Variants in ARHGAP10 observed in about 807,000 individuals in gnomAD.
The protein encoded by ARHGAP10 is Rho GTPase activating protein 10.
Under a neutral mutation model 108.6 loss-of-function variants are expected in ARHGAP10, and 87 were observed. That is an observed-to-expected ratio of 0.80 (90% CI 0.67 to 0.96). The LOEUF is 0.96. ARHGAP10 is among the 40% of genes least tolerant of loss of function. The pLI is 0.00. For missense variants in ARHGAP10, 939 were observed against 954.5 expected (o/e 0.98, Z 0.21); for synonymous variants, 347 against 341.1 (o/e 1.02, Z -0.19).
intron 1 of ARHGAP10, among the ~76,000 whole-genome samples, chr4:147,750,778 T>G (rs1295707889): frequency 2.0e-5 from 3 of 151,720 alleles, no homozygotes; most frequent in African/African-American, 7.3e-5. Flanking sequence ...ATTTTTGTAT[T>G]TTTTAGTAGA....
chr4:147,811,798 G>A (rs2126773161), intron 1 of ARHGAP10, among the ~76,000 whole-genome samples: 1 of 152,290 alleles, frequency 6.6e-6, no homozygotes, highest in South Asian at 2.1e-4. Flanking sequence ...AGTGAGCTCC[G>A]ATATAAAGAT....
intron 20 of ARHGAP10, among the ~76,000 whole-genome samples, chr4:148,059,973 TGAGAGAGA>T (rs145893430): frequency 1.4e-5 from 2 of 146,074 alleles, no homozygotes; most frequent in African/African-American, 5.1e-5. Context: ...GCCCACTCTT[TGAGAGAGA>T]GAGAGAGAGA....
At chr4:147,955,432 G>A (rs907873460) in intron 16 of ARHGAP10, 58 bp downstream of exon 16, 5 of 1,444,464 alleles carry the variant, frequency 3.5e-6, no homozygotes, top group East Asian at 2.3e-5. Context: ...GAGCATAAAC[G>A]AAAAATTTCC....
chr4:148,048,890 A>T (rs1729003734), intron 20 of ARHGAP10, among the ~76,000 whole-genome samples: 1 of 152,086 alleles, frequency 6.6e-6, no homozygotes, highest in African/African-American at 2.4e-5. Flanking sequence ...ATGTCATGAA[A>T]AGCACTCCAA....
chr4:147,767,928 T>C (rs994747609), intron 1 of ARHGAP10, among the ~76,000 whole-genome samples: 3 of 152,180 alleles, frequency 2.0e-5, no homozygotes, highest in African/African-American at 7.2e-5. Flanking sequence ...AGCAAAGATA[T>C]GAGATTATCA....
chr4:147,798,796 TATATATATATATATATATATAG>T, intron 1 of ARHGAP10, among the ~76,000 whole-genome samples: 1 of 52,164 alleles, frequency 1.9e-5, no homozygotes. Context: ...TATATATATA[TATATATATATATATATATATAG>T]ACTTTTTACC....
chr4:147,909,251 T>A (rs1736633256), intron 11 of ARHGAP10, among the ~76,000 whole-genome samples: 1 of 152,190 alleles, frequency 6.6e-6, no homozygotes, highest in African/African-American at 2.4e-5. Context: ...GAGGTTGAGG[T>A]GGGTGCACGG....
At chr4:147,768,047 C>T (rs991121581) in intron 1 of ARHGAP10, among the ~76,000 whole-genome samples, 26 of 152,140 alleles carry the variant, frequency 1.7e-4, no homozygotes, top group Admixed American at 7.2e-4. Context: ...TGGACTATTC[C>T]GGGATGACTT....
intron 19 of ARHGAP10, among the ~76,000 whole-genome samples, chr4:148,033,005 C>A (rs987885568): frequency 6.6e-6 from 1 of 152,172 alleles, no homozygotes; most frequent in Non-Finnish European, 1.5e-5. Flanking sequence ...CACCCAGGAA[C>A]AATACTTTGC....
At chr4:147,810,576 G>T (rs1198787479) in intron 1 of ARHGAP10, among the ~76,000 whole-genome samples, 1 of 152,202 alleles carries the variant, frequency 6.6e-6, no homozygotes. Context: ...GTGCAGAGTT[G>T]CCAGTCTGAG....
intron 1 of ARHGAP10, among the ~76,000 whole-genome samples, chr4:147,749,387 A>G (rs941882335): frequency 6.6e-6 from 1 of 152,242 alleles, no homozygotes; most frequent in African/African-American, 2.4e-5. Flanking sequence ...GCTTAATTTA[A>G]ATTTCTGACA....
chr4:147,861,387 G>A (rs1234213123), intron 5 of ARHGAP10: 1 of 152,542 alleles, frequency 6.6e-6, no homozygotes, highest in Non-Finnish European at 1.5e-5. Context: ...GGCTTAGGGA[G>A]CCCCTAGGTC....
At chr4:148,068,383 C>T (rs7694414) in intron 22 of ARHGAP10, among the ~76,000 whole-genome samples, 2,616 of 152,254 alleles carry the variant, frequency 0.017, 62 homozygotes, top group African/African-American at 0.059. Flanking sequence ...CAGATAGACA[C>T]AGAATAATCC....
At chr4:147,879,131 G>A in intron 8 of ARHGAP10, 101 bp from the exon 9 acceptor site, 2 of 864,432 alleles carry the variant, frequency 2.3e-6, no homozygotes, top group South Asian at 1.9e-5. Context: ...AGCTGTATTC[G>A]TTGCTGCGTT....
rs1728247513 is a variant in ARHGAP10, at chr4:147,732,340, CGACA to C, written c.41_44del (p.Asp14AlafsTer62). 1.9e-6 allele frequency: 3 copies of C among 1,613,106 alleles called. No homozygotes were observed. Among genetic ancestry groups the C allele is most frequent in the Non-Finnish European group, 1.7e-6 (2 of 1,179,592 alleles). Reference sequence around the variant, plus strand: ...CCCTGGAGTTCAGCGACTGCTACCTCGACAGCCCGTGGTTCCGGGAGAGGATCCG... The same window carrying C: ...CCCTGGAGTTCAGCGACTGCTACCTCGCCCGTGGTTCCGGGAGAGGATCCG... On this transcript the variant is annotated frameshift_variant, in exon 1 of 23. Transcript: ENST00000336498. LOFTEE classifies it high-confidence loss of function.
intron 10 of ARHGAP10, among the ~76,000 whole-genome samples, chr4:147,885,918 A>G (rs2126878349): frequency 6.6e-6 from 1 of 152,376 alleles, no homozygotes; most frequent in Admixed American, 6.5e-5. Flanking sequence ...TCCGAGATCT[A>G]TAATGCTTCC....
At chr4:147,957,120 A>G (rs187091654) in intron 16 of ARHGAP10, among the ~76,000 whole-genome samples, 1 of 152,270 alleles carries the variant, frequency 6.6e-6, no homozygotes, top group East Asian at 1.9e-4. Context: ...TAGTCTTCAC[A>G]GTGATTTGGA....
At position 148,038,684 on chromosome 4, in the gene ARHGAP10, C is replaced by T. The variant is rs558616952; in HGVS notation, c.1868-8208C>T. Reference sequence around the variant, plus strand: ...GAGATTATTGGTTTTGATTGGGTGGCCCTATTTAAAAGATAGAAAATGCAG... The same window carrying T: ...GAGATTATTGGTTTTGATTGGGTGGTCCTATTTAAAAGATAGAAAATGCAG... On this transcript the variant is annotated intron_variant, in intron 19 of 22. Coordinates refer to ENST00000336498, the MANE Select transcript of ARHGAP10 (RefSeq NM_024605.4). Among the ~76,000 whole-genome samples, 6 of 152,202 alleles carry T rather than the reference C, an allele frequency of 3.9e-5. No individual in the cohort carries two copies. The South Asian group carries it at 1.2e-3, about 32-fold the overall frequency.
At chr4:147,865,046 TAG>T in intron 6 of ARHGAP10, 90 bp downstream of exon 6, 1 of 1,105,966 alleles carries the variant, frequency 9.0e-7, no homozygotes, top group Non-Finnish European at 1.3e-6. Flanking sequence ...TTATAGTTAC[TAG>T]AGGCCATAGT....
Sources: allele counts gnomAD v4.1 joint callset (sites outside exome capture counted in the v4.1 genomes callset), GRCh38; gene constraint gnomAD v4.1.1; transcripts MANE v1.5; gene names NCBI Gene and HGNC (gene_info 2026-07-23, HGNC 2026-07-21).